Variants in ATP8A2 observed in about 807,000 individuals in gnomAD.
ATP8A2 encodes the protein ATPase phospholipid transporting 8A2.
Under a neutral mutation model 165.6 loss-of-function variants are expected in ATP8A2, and 100 were observed. The observed-to-expected ratio is 0.60, with a 90% confidence interval of 0.51 to 0.71. ATP8A2 has a LOEUF of 0.71. Among genes scored for constraint, ATP8A2 ranks in the 30% least tolerant of loss-of-function variants. The pLI is 0.00. For synonymous variants in ATP8A2, 543 were observed against 548.8 expected (o/e 0.99, Z 0.15); for missense variants, 1,227 against 1,479.5 (o/e 0.83, Z 2.80).
intron 2 of ATP8A2, among the ~76,000 whole-genome samples, chr13:25,506,785 A>G (rs1316934225): frequency 3.3e-5 from 5 of 152,064 alleles, no homozygotes; most frequent in African/African-American, 1.2e-4. Context: ...ATTTTAAATA[A>G]TTTTGTACAT....
intron 25 of ATP8A2, among the ~76,000 whole-genome samples, chr13:25,704,337 C>CTAATTTTT (rs2043011607): frequency 7.3e-6 from 1 of 137,688 alleles, no homozygotes; most frequent in Non-Finnish European, 1.6e-5. Context: ...ACATCTAGGA[C>CTAATTTTT]TTTTTTTTTT....
At chr13:25,525,698 C>T (rs917120779) in intron 2 of ATP8A2, among the ~76,000 whole-genome samples, 10 of 152,058 alleles carry the variant, frequency 6.6e-5, no homozygotes, top group Middle Eastern at 3.4e-3. Flanking sequence ...GTTCTTTATA[C>T]GTTATTTTCT....
Position 25,922,474 on chromosome 13 carries a change from C to T in ATP8A2, c.3184-39101C>T, listed in dbSNP as rs9578936. 7.1e-3 allele frequency among the ~76,000 whole-genome samples: 1,079 copies of T among 152,284 alleles called. 11 individuals are homozygous for T. Among genetic ancestry groups the T allele is most frequent in the African/African-American group, 0.023 (939 of 41,548 alleles). ...AATAGAAGGAAGTTGACAACTATCACACTATGGAATTGCAACAATTTGCAG... is the reference window on the plus strand; with the variant it reads ...AATAGAAGGAAGTTGACAACTATCATACTATGGAATTGCAACAATTTGCAG... On this transcript the variant is annotated intron_variant, in intron 33 of 36. Coordinates refer to ENST00000381655, the MANE Select transcript of ATP8A2 (RefSeq NM_016529.6).
chr13:25,395,242 T>A (rs1455861907), intron 1 of ATP8A2, among the ~76,000 whole-genome samples: 1 of 152,120 alleles, frequency 6.6e-6, no homozygotes, highest in East Asian at 1.9e-4. Context: ...CTCAGTAGGC[T>A]GCTGGTCCAT....
At chr13:25,705,168 T>G (rs1161204428) in intron 25 of ATP8A2, 1 of 438,720 alleles carries the variant, frequency 2.3e-6, no homozygotes, top group Non-Finnish European at 4.5e-6. Context: ...TGAAGGTCTT[T>G]ATTTTTGTCC....
At chr13:25,665,352 G>A (rs1447001350) in intron 24 of ATP8A2, among the ~76,000 whole-genome samples, 1 of 152,138 alleles carries the variant, frequency 6.6e-6, no homozygotes, top group Non-Finnish European at 1.5e-5. Flanking sequence ...CAGCTACTTG[G>A]GAGGCTGAGG....
intron 25 of ATP8A2, among the ~76,000 whole-genome samples, chr13:25,718,981 T>G (rs1436540937): frequency 6.6e-6 from 1 of 152,174 alleles, no homozygotes. Context: ...TGGCATTTTC[T>G]GCATGTTTCG....
In ATP8A2 at chr13:25,729,406, A is replaced by ACT. The variant is rs1179101521; in HGVS notation, c.2384+30061_2384+30062insCT. Among the ~76,000 whole-genome samples, 3 of 152,160 alleles carry ACT rather than the reference A, an allele frequency of 2.0e-5. No individual in the cohort carries two copies. In the East Asian group the frequency reaches 5.8e-4, roughly 29 times the overall value. ...GGCCAGGCCAGGTACTGTGGCACAT[A>ACT]TTTTCGTATGTTGTCTCATTTAACC... On this transcript the variant is annotated intron_variant, in intron 25 of 36. Transcript: ENST00000381655.
intron 30 of ATP8A2, among the ~76,000 whole-genome samples, chr13:25,848,573 A>T (rs1186176387): frequency 6.6e-6 from 1 of 152,208 alleles, no homozygotes; most frequent in Non-Finnish European, 1.5e-5. Context: ...AAAAGTGAAA[A>T]AAGAGAAAGA....
At chr13:25,978,656 G>T (rs931134450) in intron 35 of ATP8A2, among the ~76,000 whole-genome samples, 6 of 152,136 alleles carry the variant, frequency 3.9e-5, no homozygotes, top group African/African-American at 1.4e-4. Context: ...GAAGACTCAG[G>T]AGAGGCCGGG....
At position 25,436,147 on chromosome 13, in the gene ATP8A2, G is replaced by A. The variant is rs540748162; in HGVS notation, c.77-32830G>A. 5.7e-4 allele frequency among the ~76,000 whole-genome samples: 86 copies of A among 151,906 alleles called. 3 individuals are homozygous for A. The highest frequency in any genetic ancestry group is 5.2e-3 in the South Asian group (25 of 4,796). ...TCAACTTTTATTTTAGACTCAGGGG[G>A]TACATGTGCAGGTCTGTCACATGGG... is the stretch of plus-strand genomic sequence containing the variant. On this transcript the variant is annotated intron_variant, in intron 1 of 36. Transcript: ENST00000381655.
At chr13:25,431,832 A>G (rs1304594294) in intron 1 of ATP8A2, among the ~76,000 whole-genome samples, 1 of 152,218 alleles carries the variant, frequency 6.6e-6, no homozygotes, top group Non-Finnish European at 1.5e-5. Context: ...ACAATTATCT[A>G]GTTCCAGAAC....
intron 5 of ATP8A2, 107 bp from the exon 6 acceptor site, chr13:25,533,166 T>TA: frequency 1.5e-6 from 1 of 682,438 alleles, no homozygotes; most frequent in Non-Finnish European, 2.6e-6. Flanking sequence ...AAAGATAGGG[T>TA]ATGTTAGAAT....
At chr13:25,606,609 G>A (rs1186414035) in intron 24 of ATP8A2, among the ~76,000 whole-genome samples, 4 of 152,032 alleles carry the variant, frequency 2.6e-5, no homozygotes, top group Admixed American at 6.6e-5. Context: ...TATTCATTTC[G>A]TTATTCAGGT....
At chr13:25,455,631 A>C (rs958799438) in intron 1 of ATP8A2, among the ~76,000 whole-genome samples, 5 of 152,194 alleles carry the variant, frequency 3.3e-5, no homozygotes, top group Non-Finnish European at 5.9e-5. Context: ...CAATAAATTC[A>C]GGAAGAGTGC....
intron 24 of ATP8A2, among the ~76,000 whole-genome samples, chr13:25,687,046 A>C (rs1193888364): frequency 6.6e-6 from 1 of 152,106 alleles, no homozygotes; most frequent in African/African-American, 2.4e-5. Flanking sequence ...AATACTTTCC[A>C]AAATGTCATC....
At chr13:25,974,399 AG>A in intron 35 of ATP8A2, among the ~76,000 whole-genome samples, 1 of 152,030 alleles carries the variant, frequency 6.6e-6, no homozygotes. Flanking sequence ...CTGAGGTAAA[AG>A]GGAGAAATCT....
chr13:25,723,533 C>T (rs1482729575), intron 25 of ATP8A2, among the ~76,000 whole-genome samples: 1 of 152,086 alleles, frequency 6.6e-6, no homozygotes, highest in Non-Finnish European at 1.5e-5. Context: ...TTACTTTTGG[C>T]TTTTCTGTAT....
chr13:25,970,913 A>G (rs1955896752), intron 35 of ATP8A2, among the ~76,000 whole-genome samples: 1 of 152,244 alleles, frequency 6.6e-6, no homozygotes, highest in African/African-American at 2.4e-5. Flanking sequence ...TCAGAAAATA[A>G]GAGCTTAAAT....
Sources: allele counts gnomAD v4.1 joint callset (sites outside exome capture counted in the v4.1 genomes callset), GRCh38; gene constraint gnomAD v4.1.1; transcripts MANE v1.5; gene names NCBI Gene and HGNC (gene_info 2026-07-23, HGNC 2026-07-21).